ZNF667: variants seen among roughly 807,000 people sequenced by gnomAD.
The protein encoded by ZNF667 is zinc finger protein 667.
A neutral mutation model predicts 31.8 loss-of-function variants in ZNF667; 13 were observed. The observed-to-expected ratio is 0.41, with a 90% CI of 0.27 to 0.65. The LOEUF (loss-of-function observed/expected upper bound fraction) is 0.65, where lower values mean the gene tolerates loss of function less well. Among genes scored for constraint, ZNF667 ranks in the 30% least tolerant of loss-of-function variants. The pLI, the probability that ZNF667 is intolerant of heterozygous loss-of-function variation, is 0.32. For missense variants in ZNF667, 642 were observed against 725.6 expected, an observed-to-expected ratio of 0.88 and a Z score of 1.32; for synonymous variants, 228 against 247.1, an observed-to-expected ratio of 0.92 and a Z score of 0.73.
chr19:56,456,716 C>T (rs1165416322), intron 6 of ZNF667, among the ~76,000 whole-genome samples: 1 of 152,048 alleles, frequency 6.6e-6, no homozygotes, highest in Non-Finnish European at 1.5e-5. Context: ...AACATTTCTA[C>T]TAAAACAAAA....
rs1196191130 is a variant in ZNF667, at chr19:56,440,890, TG to T, written c.*271del. The T allele has an allele frequency of 8.3e-7, 1 of 1,206,076 alleles. No individual in the cohort carries two copies. The highest frequency in any genetic ancestry group is 1.0e-6 in the Non-Finnish European group (1 of 965,890). 74.7% of individuals were successfully genotyped at this position (1,206,076 alleles called of 1,614,324 possible). On this transcript the variant is annotated 3_prime_UTR_variant, in exon 7 of 7. Coordinates refer to ENST00000504904, the MANE Select transcript of ZNF667 (RefSeq NM_001321356.2). ...CGCCTGTCTCAGCCTCCCAAAGTGC[TG>T]GGGTTACAGGTGTAAGCCACTGCGC...
chr19:56,446,115 A>G (rs541651592), intron 6 of ZNF667, among the ~76,000 whole-genome samples: 1 of 152,382 alleles, frequency 6.6e-6, no homozygotes, highest in South Asian at 2.1e-4. Flanking sequence ...GGCTCACATT[A>G]TATTTCTATT....
chr19:56,471,135 T>C (rs1489397237), intron 3 of ZNF667, among the ~76,000 whole-genome samples: 2 of 152,012 alleles, frequency 1.3e-5, no homozygotes, highest in African/African-American at 2.4e-5. Flanking sequence ...CGAGATCCAG[T>C]TGTTTAGAAG....
At chr19:56,458,820 A>G (rs1178078125) in intron 5 of ZNF667, among the ~76,000 whole-genome samples, 1 of 152,192 alleles carries the variant, frequency 6.6e-6, no homozygotes, top group Non-Finnish European at 1.5e-5. Flanking sequence ...GTTCAACTGC[A>G]TCCTCTGTAA....
At chr19:56,460,291 T>C (rs1053007575) in intron 5 of ZNF667, among the ~76,000 whole-genome samples, 2 of 152,032 alleles carry the variant, frequency 1.3e-5, no homozygotes, top group African/African-American at 4.8e-5. Context: ...TCAAAAACAT[T>C]AGAAATCAAA....
intron 6 of ZNF667, among the ~76,000 whole-genome samples, chr19:56,456,984 C>T (rs902459483): frequency 1.3e-5 from 2 of 152,128 alleles, no homozygotes; most frequent in Non-Finnish European, 2.9e-5. Flanking sequence ...TTCCGTTACA[C>T]ACCCTCAGAA....
At chr19:56,470,177 G>C (rs906208616) in intron 3 of ZNF667, 2 of 379,498 alleles carry the variant, frequency 5.3e-6, no homozygotes, top group East Asian at 7.3e-5. Context: ...ATATCAGTCA[G>C]TGCTCCGTTA....
intron 4 of ZNF667, among the ~76,000 whole-genome samples, chr19:56,461,678 A>C (rs1225845180): frequency 6.6e-6 from 1 of 152,194 alleles, no homozygotes; most frequent in Non-Finnish European, 1.5e-5. Flanking sequence ...AGCAAGGGGC[A>C]ACTAATACAC....
intron 3 of ZNF667, among the ~76,000 whole-genome samples, chr19:56,466,363 C>T (rs1247648804): frequency 6.6e-6 from 1 of 152,178 alleles, no homozygotes; most frequent in Non-Finnish European, 1.5e-5. Context: ...CACCCCTCAG[C>T]TGTATCAGCC....
intron 1 of ZNF667, chr19:56,474,402 C>G (rs1000188556): frequency 2.0e-5 from 3 of 152,280 alleles, no homozygotes; most frequent in Non-Finnish European, 4.4e-5. Context: ...CCCCAGAGGC[C>G]AGGGACATAC....
At chr19:56,461,101 G>A (rs1280575971) in intron 4 of ZNF667, among the ~76,000 whole-genome samples, 1 of 152,194 alleles carries the variant, frequency 6.6e-6, no homozygotes, top group Non-Finnish European at 1.5e-5. Flanking sequence ...TGACTGTACT[G>A]GCTCACTTAG....
At chr19:56,443,370 C>T (rs1452955590) in intron 6 of ZNF667, among the ~76,000 whole-genome samples, 1 of 152,102 alleles carries the variant, frequency 6.6e-6, no homozygotes. Flanking sequence ...ACAATGGGAA[C>T]ATGTTGTAAG....
intron 6 of ZNF667, among the ~76,000 whole-genome samples, chr19:56,450,637 G>A (rs561272130): frequency 6.6e-6 from 1 of 151,918 alleles, no homozygotes; most frequent in South Asian, 2.1e-4. Context: ...ACTAAAAGAC[G>A]GACTGACAAA....
chr19:56,446,562 G>C (rs2042714941), intron 6 of ZNF667, among the ~76,000 whole-genome samples: 1 of 152,128 alleles, frequency 6.6e-6, no homozygotes, highest in Admixed American at 6.6e-5. Context: ...TATATGACCT[G>C]TTCACCTTTC....
At chr19:56,444,317 C>T (rs1334383169) in intron 6 of ZNF667, 2 of 398,092 alleles carry the variant, frequency 5.0e-6, no homozygotes, top group African/African-American at 4.1e-5. Flanking sequence ...GGAGAAGGCA[C>T]ATCACATGGT....
chr19:56,442,105 A>G lies in ZNF667; in HGVS notation c.890T>C (p.Val297Ala). 1 of 1,613,834 alleles carries G rather than the reference A, an allele frequency of 6.2e-7. No homozygotes were observed. Among genetic ancestry groups the G allele is most frequent in the South Asian group, 1.1e-5 (1 of 90,968 alleles). The change falls in exon 7 of 7, where the codon GTT becomes GCT. Residue 297 changes from valine to alanine, a missense_variant. Transcript: ENST00000504904. Reference protein sequence around the residue: ...GRGFKKKSVFVVHKRIHAGEK... With the variant: ...GRGFKKKSVFAVHKRIHAGEK... Reference sequence around the variant, plus strand: ...TCCAGCATGAATTCTTTTATGTACAACAAAGACTGATTTCTTTTTGAAGCC... The same window carrying G: ...TCCAGCATGAATTCTTTTATGTACAGCAAAGACTGATTTCTTTTTGAAGCC...
chr19:56,448,912 A>G (rs375822269), intron 6 of ZNF667, among the ~76,000 whole-genome samples: 52 of 152,278 alleles, frequency 3.4e-4, no homozygotes, highest in African/African-American at 1.2e-3. Flanking sequence ...GTTGGTGGCC[A>G]TGGGAGTGTT....
At chr19:56,469,305 T>C (rs565619872) in intron 3 of ZNF667, among the ~76,000 whole-genome samples, 2 of 152,284 alleles carry the variant, frequency 1.3e-5, no homozygotes, top group South Asian at 4.1e-4. Context: ...TGCCTTGTTT[T>C]AGCCAGGGTC....
At chr19:56,462,508 G>C (rs1826336103) in intron 3 of ZNF667, 79 bp from the exon 4 acceptor site, 9 of 855,672 alleles carry the variant, frequency 1.1e-5, no homozygotes, top group Non-Finnish European at 1.6e-5. Context: ...CACACACACA[G>C]ACACACATGC....
Sources: gnomAD v4.1 joint callset for allele counts (sites outside exome capture counted in the v4.1 genomes callset) on GRCh38, gnomAD v4.1.1 for gene constraint, MANE v1.5 for transcripts, NCBI Gene and HGNC (gene_info 2026-07-23, HGNC 2026-07-21) for gene names.